Variants in CADPS2 observed in about 807,000 individuals in gnomAD.
The protein encoded by CADPS2 is calcium-dependent secretion activator 2.
In CADPS2, 93 loss-of-function variants were observed where a neutral mutation model predicts 172.5. That is an observed-to-expected ratio of 0.54 (90% CI 0.46 to 0.64). The LOEUF (loss-of-function observed/expected upper bound fraction) is 0.64, where lower values mean the gene tolerates loss of function less well. Ranked by LOEUF, CADPS2 falls within the 30% of genes least tolerant of loss-of-function variation. The pLI, the probability that CADPS2 is intolerant of heterozygous loss-of-function variation, is 0.00. For missense variants in CADPS2, 1,420 were observed against 1,565.9 expected (o/e 0.91, Z 1.57); for synonymous variants, 546 against 555.2 (o/e 0.98, Z 0.23).
At chr7:122,668,716 G>A (rs950288624) in intron 2 of CADPS2, among the ~76,000 whole-genome samples, 3 of 152,058 alleles carry the variant, frequency 2.0e-5, no homozygotes, top group African/African-American at 7.2e-5. Flanking sequence ...TACCATAAGA[G>A]AAATCAGGTC....
chr7:122,777,156 AT>A lies in CADPS2; in HGVS notation c.340-40089del, dbSNP rs1207165827. Among the ~76,000 whole-genome samples the A allele has an allele frequency of 2.6e-5, 4 of 152,294 alleles. No homozygotes were observed. In the South Asian group the frequency reaches 6.2e-4, roughly 24 times the overall value. ...ACAGAGTGAGATCCTGTCTAAAAAA[AT>A]AATAATAATTAAGTAAAAGAATAAC... On this transcript the variant is annotated intron_variant, in intron 1 of 29. Coordinates refer to ENST00000449022, the MANE Select transcript of CADPS2 (RefSeq NM_017954.11).
At chr7:122,490,636 T>G (rs368054434) in intron 10 of CADPS2, among the ~76,000 whole-genome samples, 2 of 152,248 alleles carry the variant, frequency 1.3e-5, no homozygotes, top group South Asian at 4.1e-4. Flanking sequence ...ATTCTATACA[T>G]GGGAAAAATA....
At chr7:122,701,862 T>C (rs1388773914) in intron 2 of CADPS2, 1 of 1,607,052 alleles carries the variant, frequency 6.2e-7, no homozygotes, top group East Asian at 2.2e-5. Flanking sequence ...CACTTGCACA[T>C]GGGACATGTC....
At chr7:122,471,241 GTT>G (rs908853602) in intron 14 of CADPS2, 132 bp downstream of exon 14, 505 of 487,972 alleles carry the variant, frequency 1.0e-3, no homozygotes, top group East Asian at 2.2e-3. Flanking sequence ...TTTCTCTGTC[GTT>G]TTTTTTTTTT....
chr7:122,388,878 T>C, intron 22 of CADPS2, 140 bp from the exon 23 acceptor site: 1 of 795,340 alleles, frequency 1.3e-6, no homozygotes, highest in Non-Finnish European at 1.8e-6. Context: ...CAATATTTTC[T>C]TTGTTCAGCC....
chr7:122,652,475 A>G (rs1286495514), intron 3 of CADPS2, among the ~76,000 whole-genome samples: 1 of 152,190 alleles, frequency 6.6e-6, no homozygotes, highest in Non-Finnish European at 1.5e-5. Flanking sequence ...ATATTATATA[A>G]CATTGTTTCT....
intron 8 of CADPS2, among the ~76,000 whole-genome samples, chr7:122,545,665 G>T (rs2063550348): frequency 6.6e-6 from 1 of 152,136 alleles, no homozygotes; most frequent in African/African-American, 2.4e-5. Context: ...CTGAATTAGG[G>T]TTGGCAGAAG....
intron 5 of CADPS2, among the ~76,000 whole-genome samples, chr7:122,616,112 T>C (rs7792270): frequency 0.01 from 1,590 of 152,210 alleles, 26 homozygotes; most frequent in African/African-American, 0.036. Context: ...CAAATATGAA[T>C]ATTATTTACC....
At position 122,727,715 on chromosome 7, in the gene CADPS2, C is replaced by T. The variant is rs925622256; in HGVS notation, c.453+9240G>A. Among the ~76,000 whole-genome samples the T allele has an allele frequency of 7.2e-5, 11 of 151,968 alleles. No individual in the cohort carries two copies. In the East Asian group the frequency reaches 1.9e-3, roughly 27 times the overall value. Reference sequence around the variant, plus strand: ...AAATGGATGCCATCAAGAATGCAGGCAACTTTACAGAACACACTCACAGGC... The same window carrying T: ...AAATGGATGCCATCAAGAATGCAGGTAACTTTACAGAACACACTCACAGGC... On this transcript the variant is annotated intron_variant, in intron 2 of 29. Transcript: ENST00000449022.
At chr7:122,671,629 C>T (rs980981748) in intron 2 of CADPS2, among the ~76,000 whole-genome samples, 12 of 150,470 alleles carry the variant, frequency 8.0e-5, no homozygotes, top group African/African-American at 3.0e-4. Flanking sequence ...GAATGAGCCT[C>T]GTCTTGTGAG....
chr7:122,782,142 G>T (rs186331807), intron 1 of CADPS2, among the ~76,000 whole-genome samples: 93 of 152,168 alleles, frequency 6.1e-4, no homozygotes, highest in Admixed American at 1.3e-3. Flanking sequence ...AAAAGCTATT[G>T]ATATTGTGTA....
intron 27 of CADPS2, among the ~76,000 whole-genome samples, chr7:122,359,568 T>C (rs980378024): frequency 6.6e-6 from 1 of 152,170 alleles, no homozygotes; most frequent in Non-Finnish European, 1.5e-5. Context: ...ACAAAAACTA[T>C]GTGTGTTACA....
intron 1 of CADPS2, among the ~76,000 whole-genome samples, chr7:122,745,075 A>C (rs1003281536): frequency 6.6e-6 from 1 of 152,062 alleles, no homozygotes; most frequent in African/African-American, 2.4e-5. Context: ...TAAATAATTA[A>C]AACTAAGCTA....
At chr7:122,592,563 C>T (rs1286150140) in intron 6 of CADPS2, among the ~76,000 whole-genome samples, 1 of 152,022 alleles carries the variant, frequency 6.6e-6, no homozygotes, top group Non-Finnish European at 1.5e-5. Context: ...GCACAATTCA[C>T]AATAGCAAAG....
intron 25 of CADPS2, among the ~76,000 whole-genome samples, chr7:122,365,127 A>G (rs1191647904): frequency 6.6e-6 from 1 of 152,152 alleles, no homozygotes; most frequent in South Asian, 2.1e-4. Context: ...TCTTCTTCAG[A>G]GCACGAAGCA....
chr7:122,362,151 T>G (rs1193565023), intron 25 of CADPS2, among the ~76,000 whole-genome samples: 1 of 152,130 alleles, frequency 6.6e-6, no homozygotes, highest in Non-Finnish European at 1.5e-5. Context: ...GGAGGTGGTG[T>G]AACATATGAG....
In CADPS2 at chr7:122,854,582, C is replaced by A. The variant is rs74696979; in HGVS notation, c.339+31417G>T. On this transcript the variant is annotated intron_variant, in intron 1 of 29. Coordinates refer to ENST00000449022, the MANE Select transcript of CADPS2 (RefSeq NM_017954.11). ...ATCATGTTGCCTAGCTGTGCCAGAA[C>A]AAGGTGTGCTGCACACATGCAAGGA... 5.9e-3 allele frequency among the ~76,000 whole-genome samples: 894 copies of A among 152,274 alleles called. 8 individuals are homozygous for A. Among genetic ancestry groups the A allele is most frequent in the African/African-American group, 0.021 (857 of 41,560 alleles).
At chr7:122,852,698 G>T (rs1321892723) in intron 1 of CADPS2, among the ~76,000 whole-genome samples, 1 of 152,166 alleles carries the variant, frequency 6.6e-6, no homozygotes, top group African/African-American at 2.4e-5. Flanking sequence ...CTGGAGCAGA[G>T]AGAGCAAGGG....
chr7:122,401,243 C>T (rs2045914468), intron 20 of CADPS2, among the ~76,000 whole-genome samples: 1 of 152,174 alleles, frequency 6.6e-6, no homozygotes, highest in South Asian at 2.1e-4. Flanking sequence ...GGCAGAGATG[C>T]TGTGACATTG....
Sources: gnomAD v4.1 joint callset for allele counts (sites outside exome capture counted in the v4.1 genomes callset) on GRCh38, gnomAD v4.1.1 for gene constraint, MANE v1.5 for transcripts, NCBI Gene and HGNC (gene_info 2026-07-23, HGNC 2026-07-21) for gene names.